GNAO1: variants seen among roughly 807,000 people sequenced by gnomAD.
GNAO1 encodes the protein G protein subunit alpha o1, also known as guanine nucleotide-binding protein G(o) subunit alpha.
For missense variants in GNAO1, 166 were observed against 478.7 expected, an observed-to-expected ratio of 0.35 and a Z score of 6.10; for synonymous variants, 164 against 180.7, an observed-to-expected ratio of 0.91 and a Z score of 0.74.
rs192270159 is a variant in GNAO1, at chr16:56,341,521, A to G, written c.723+4661A>G. ...CGCAGAGCTTCGCGTGGTGCCGCAC[A>G]TAGGAAGCGCTCCCTGCCTGTCTGC... On this transcript the variant is annotated intron_variant, in intron 6 of 8. Coordinates refer to ENST00000262493, the MANE Select transcript of GNAO1 (RefSeq NM_020988.3). Among the ~76,000 whole-genome samples, 3 of 152,346 alleles carry G rather than the reference A, an allele frequency of 2.0e-5. No homozygotes were observed. In the East Asian group the frequency reaches 5.8e-4, roughly 29 times the overall value.
chr16:56,292,209 C>T (rs2037239673), intron 3 of GNAO1, among the ~76,000 whole-genome samples: 1 of 152,148 alleles, frequency 6.6e-6, no homozygotes, highest in South Asian at 2.1e-4. Context: ...TGAGTTGTGC[C>T]TGAAGCAGGA....
At position 56,202,400 on chromosome 16, in the gene GNAO1, C is replaced by T. The variant is rs1171568082; in HGVS notation, c.161+9784C>T. Among the ~76,000 whole-genome samples the T allele has an allele frequency of 3.9e-5, 6 of 151,958 alleles. 1 individual carries two copies. Among genetic ancestry groups the T allele is most frequent in the African/African-American group, 1.5e-4 (6 of 41,362 alleles). On this transcript the variant is annotated intron_variant, in intron 2 of 8. Coordinates refer to ENST00000262493, the MANE Select transcript of GNAO1 (RefSeq NM_020988.3). Reference sequence around the variant, plus strand: ...CCCAGCCCAAAAGAAATGTGGGCTACAGAAAAAAAGGAGTGAGAGGTAGGG... The same window carrying T: ...CCCAGCCCAAAAGAAATGTGGGCTATAGAAAAAAAGGAGTGAGAGGTAGGG...
At chr16:56,310,159 AAG>A (rs2037440675) in intron 3 of GNAO1, among the ~76,000 whole-genome samples, 1 of 151,856 alleles carries the variant, frequency 6.6e-6, no homozygotes, top group Non-Finnish European at 1.5e-5. Flanking sequence ...AAAAAAAAGA[AAG>A]AAAAAAAAAA....
intron 6 of GNAO1, among the ~76,000 whole-genome samples, chr16:56,339,562 G>A (rs1022640674): frequency 3.3e-5 from 5 of 152,218 alleles, no homozygotes; most frequent in Non-Finnish European, 5.9e-5. Context: ...GTGAGAGCCT[G>A]CAACAAAGGT....
chr16:56,229,844 C>T (rs1349645062), intron 2 of GNAO1, among the ~76,000 whole-genome samples: 2 of 152,040 alleles, frequency 1.3e-5, no homozygotes, highest in Admixed American at 1.3e-4. Flanking sequence ...GTGGAATGAA[C>T]GAAATCCTAG....
At chr16:56,225,068 G>C (rs1412449403) in intron 2 of GNAO1, among the ~76,000 whole-genome samples, 2 of 152,226 alleles carry the variant, frequency 1.3e-5, no homozygotes, top group African/African-American at 4.8e-5. Flanking sequence ...AGCTAAGGTA[G>C]GACAGGGTGC....
Position 56,335,621 on chromosome 16 carries a change from C to T in GNAO1, c.593+764C>T, listed in dbSNP as rs192947633. On this transcript the variant is annotated intron_variant, in intron 5 of 8. Coordinates refer to ENST00000262493, the MANE Select transcript of GNAO1 (RefSeq NM_020988.3). ...AGACTGAGGGGCCGAGGCTCTGGGC[C>T]CAGGAACCCCTAGGCCTCCGCAGAT... 4.6e-5 allele frequency among the ~76,000 whole-genome samples: 7 copies of T among 152,268 alleles called. No individual in the cohort carries two copies. The East Asian group carries it at 1.4e-3, about 30-fold the overall frequency.
intron 2 of GNAO1, among the ~76,000 whole-genome samples, chr16:56,256,481 A>G (rs2036847559): frequency 6.6e-6 from 1 of 151,998 alleles, no homozygotes; most frequent in Admixed American, 6.5e-5. Context: ...GGTCTCTAAT[A>G]AGGGAGATCC....
At chr16:56,222,808 G>A (rs915852244) in intron 2 of GNAO1, among the ~76,000 whole-genome samples, 4 of 152,114 alleles carry the variant, frequency 2.6e-5, no homozygotes, top group Non-Finnish European at 4.4e-5. Flanking sequence ...AATGTGACAC[G>A]GCTTTGCTGC....
chr16:56,345,235 A>C, intron 6 of GNAO1: 1 of 985,462 alleles, frequency 1.0e-6, no homozygotes, highest in African/African-American at 1.7e-5. Flanking sequence ...GCTGAGGCCA[A>C]CGCCCACACC....
chr16:56,200,993 G>A (rs756915520), intron 2 of GNAO1, among the ~76,000 whole-genome samples: 2 of 152,176 alleles, frequency 1.3e-5, no homozygotes, highest in African/African-American at 4.8e-5. Flanking sequence ...CCATCCATCT[G>A]TCCATCCATA....
At chr16:56,327,542 C>T (rs933123738) in intron 3 of GNAO1, among the ~76,000 whole-genome samples, 1 of 152,068 alleles carries the variant, frequency 6.6e-6, no homozygotes, top group African/African-American at 2.4e-5. Flanking sequence ...GTACTACTCC[C>T]GTGTGCAAGG....
intron 2 of GNAO1, among the ~76,000 whole-genome samples, chr16:56,196,151 T>A (rs2036231008): frequency 6.6e-6 from 1 of 152,092 alleles, no homozygotes; most frequent in East Asian, 1.9e-4. Flanking sequence ...CCCCCTTGTG[T>A]GTGTGATTGT....
intron 2 of GNAO1, among the ~76,000 whole-genome samples, chr16:56,274,697 G>A (rs1043440527): frequency 4.6e-5 from 7 of 152,172 alleles, no homozygotes; most frequent in African/African-American, 2.4e-5. Flanking sequence ...CCATTTATAT[G>A]AACTGTCCAG....
intron 3 of GNAO1, chr16:56,300,776 T>G (rs961354877): frequency 1.3e-5 from 2 of 152,254 alleles, no homozygotes; most frequent in Admixed American, 6.5e-5. Context: ...CTGCTCCCAC[T>G]TGGCTCTGGT....
chr16:56,253,483 G>T (rs1180486036), intron 2 of GNAO1, among the ~76,000 whole-genome samples: 1 of 152,240 alleles, frequency 6.6e-6, no homozygotes, highest in South Asian at 2.1e-4. Flanking sequence ...GCAATGCAGA[G>T]TTGCCTGATG....
Position 56,192,635 on chromosome 16 carries a change from G to A in GNAO1, c.161+19G>A. 1 of 1,484,176 alleles carries A rather than the reference G, an allele frequency of 6.7e-7. No homozygotes were observed. The allele number at this position is 1,484,176 out of a possible 1,614,324, so 91.9% of individuals were successfully genotyped here. A position where few individuals can be genotyped will look rare whatever the true frequency, so the allele number is the denominator to read the frequency against. ...AGATGAAGTAAGTCCCTGTGGCATT[G>A]GGATTCGTACTTTTATTAAGAATAA... On this transcript the variant is annotated intron_variant, in intron 2 of 8. Coordinates refer to ENST00000262493, the MANE Select transcript of GNAO1 (RefSeq NM_020988.3).
chr16:56,236,787 A>G (rs1437336164), intron 2 of GNAO1, among the ~76,000 whole-genome samples: 1 of 152,220 alleles, frequency 6.6e-6, no homozygotes, highest in Non-Finnish European at 1.5e-5. Flanking sequence ...ACAAAGGCAG[A>G]CTCACCAAGA....
intron 3 of GNAO1, among the ~76,000 whole-genome samples, chr16:56,317,372 C>G (rs752096827): frequency 7.2e-5 from 11 of 152,236 alleles, no homozygotes; most frequent in Non-Finnish European, 1.5e-4. Flanking sequence ...AACTACTGAG[C>G]TGGGGAGATT....
Sources: allele counts gnomAD v4.1 joint callset (sites outside exome capture counted in the v4.1 genomes callset), GRCh38; gene constraint gnomAD v4.1.1; transcripts MANE v1.5; gene names NCBI Gene and HGNC (gene_info 2026-07-23, HGNC 2026-07-21).